DOCK1: variants seen among roughly 807,000 people sequenced by gnomAD.
The protein encoded by DOCK1 is dedicator of cytokinesis 1, also known as dedicator of cytokinesis protein 1.
DOCK1 carries 138 observed loss-of-function variants against 262.7 expected under a neutral mutation model. The ratio of observed to expected loss-of-function variants is 0.53; its 90% CI spans 0.46 to 0.61. DOCK1 has a LOEUF of 0.61. Among genes scored for constraint, DOCK1 ranks in the 20% least tolerant of loss-of-function variants. DOCK1 has a pLI of 0.00. For synonymous variants in DOCK1, 866 were observed against 867.4 expected (o/e 1.00, Z 0.03); for missense variants, 1,908 against 2,370.7 (o/e 0.80, Z 4.05).
At chr10:127,387,325 C>T (rs765968114) in intron 38 of DOCK1, among the ~76,000 whole-genome samples, 1 of 152,224 alleles carries the variant, frequency 6.6e-6, no homozygotes. Flanking sequence ...TTGCTTGAGT[C>T]AGTTTTCCTT....
At chr10:127,151,288 C>T (rs2052462011) in intron 27 of DOCK1, among the ~76,000 whole-genome samples, 1 of 152,126 alleles carries the variant, frequency 6.6e-6, no homozygotes, top group Admixed American at 6.6e-5. Context: ...TCTTGAGTTT[C>T]ACACTAGTTT....
chr10:127,073,308 G>A (rs1210142920), intron 23 of DOCK1, among the ~76,000 whole-genome samples: 1 of 152,122 alleles, frequency 6.6e-6, no homozygotes, highest in Admixed American at 6.5e-5. Context: ...AACTGATTCC[G>A]AAGTTCATGT....
At chr10:126,998,290 A>G in intron 8 of DOCK1, 41 bp downstream of exon 8, 4 of 1,610,862 alleles carry the variant, frequency 2.5e-6, no homozygotes, top group Non-Finnish European at 3.4e-6. Context: ...CTCTTTGGTT[A>G]GTGTTAGGAA....
chr10:127,151,887 A>G (rs1037292419), intron 27 of DOCK1, among the ~76,000 whole-genome samples: 4 of 152,220 alleles, frequency 2.6e-5, no homozygotes, highest in Non-Finnish European at 5.9e-5. Flanking sequence ...CATTCCTGAA[A>G]GGACAGATTT....
At chr10:127,410,974 C>A (rs1268546865) in intron 43 of DOCK1, 50 bp downstream of exon 43, 4 of 1,565,362 alleles carry the variant, frequency 2.6e-6, no homozygotes, top group Middle Eastern at 1.7e-4. Context: ...TATCATTCCG[C>A]CACCAGTAGA....
intron 27 of DOCK1, among the ~76,000 whole-genome samples, chr10:127,218,985 C>G (rs758054209): frequency 2.6e-5 from 4 of 152,130 alleles, no homozygotes; most frequent in Non-Finnish European, 5.9e-5. Context: ...AGTGAAACCT[C>G]TTTTTTAAGG....
Position 126,981,966 on chromosome 10 carries a change from G to C in DOCK1, c.220G>C (p.Gly74Arg). Residue 74 changes from glycine (G) to arginine (R), a missense_variant, in exon 4 of 52, where the codon GGA becomes CGA. Gly to Arg is a moderately radical substitution (Grantham distance 125). Around this residue, in one of 9 missense-constraint regions of DOCK1, gnomAD observed 227 missense variants for 254.1 expected, o/e 0.89. Coordinates refer to ENST00000623213, the MANE Select transcript of DOCK1 (RefSeq NM_001290223.2). ...TCATCTTAAAGAAGCGATAGTTGAA[G>C]GAAAAGGGTGAGTCTGGTCTTGATG... Reference protein sequence around the residue: ...YIHLKEAIVEGKGQHETVIPG... With the variant: ...YIHLKEAIVERKGQHETVIPG... 4 of 1,613,490 alleles carry C rather than the reference G, an allele frequency of 2.5e-6. No homozygotes were observed. Among genetic ancestry groups the C allele is most frequent in the Non-Finnish European group, 3.4e-6 (4 of 1,179,754 alleles).
At chr10:127,255,936 A>G (rs2059813190) in intron 28 of DOCK1, among the ~76,000 whole-genome samples, 1 of 152,230 alleles carries the variant, frequency 6.6e-6, no homozygotes, top group Non-Finnish European at 1.5e-5. Context: ...TTCAATAATT[A>G]AACTGGAAAA....
intron 27 of DOCK1, among the ~76,000 whole-genome samples, chr10:127,245,399 T>C (rs1291695897): frequency 6.6e-6 from 1 of 152,238 alleles, no homozygotes; most frequent in Non-Finnish European, 1.5e-5. Flanking sequence ...GCCTCTAACT[T>C]GTGGAGATGG....
intron 6 of DOCK1, among the ~76,000 whole-genome samples, chr10:126,991,380 A>T (rs1264597511): frequency 2.0e-5 from 3 of 152,194 alleles, no homozygotes; most frequent in Non-Finnish European, 4.4e-5. Flanking sequence ...GAAGCCTTAA[A>T]AAGTATCTGG....
chr10:127,124,968 T>A (rs2049853946), intron 25 of DOCK1, among the ~76,000 whole-genome samples: 1 of 151,608 alleles, frequency 6.6e-6, no homozygotes, highest in Non-Finnish European at 1.5e-5. Context: ...AAAAAAAAAA[T>A]TAGCTGGGCG....
chr10:127,163,019 C>T lies in DOCK1; in HGVS notation c.2847+35255C>T, dbSNP rs551529561. ...CGCATGCAAACCTGCATCCTTGGTC[C>T]GGGCCCGGCTTCTCTCTTCCCTCCG... is the stretch of plus-strand genomic sequence containing the variant. On this transcript the variant is annotated intron_variant, in intron 27 of 51. Transcript: ENST00000623213. Among the ~76,000 whole-genome samples, 7 of 152,300 alleles carry T rather than the reference C, an allele frequency of 4.6e-5. No individual in the cohort carries two copies. In the East Asian group the frequency reaches 1.2e-3, roughly 25 times the overall value.
At chr10:127,287,779 G>GATTGATTAGTGGCATCAGGTGCTGCCA (rs2061212438) in intron 29 of DOCK1, among the ~76,000 whole-genome samples, 3 of 152,066 alleles carry the variant, frequency 2.0e-5, no homozygotes, top group Admixed American at 2.0e-4. Context: ...ATAACGTGAA[G>GATTGATTAGTGGCATCAGGTGCTGCCA]ATTGATTAGT....
At chr10:127,025,064 T>C (rs768985552) in intron 15 of DOCK1, 1 of 261,622 alleles carries the variant, frequency 3.8e-6, no homozygotes, top group Non-Finnish European at 7.4e-6. Context: ...TACTGTTTTA[T>C]GTGTGGCATG....
At position 127,175,773 on chromosome 10, in the gene DOCK1, G is replaced by A. The variant is rs201790205; in HGVS notation, c.2847+48009G>A. ...TGGAGGCCGAGTGGAGTTTTGGAGC[G>A]CAGCTTCTCCATAGCTGAGCGGCTC... On this transcript the variant is annotated intron_variant, in intron 27 of 51. Coordinates refer to ENST00000623213, the MANE Select transcript of DOCK1 (RefSeq NM_001290223.2). The surrounding 1 kb of genome is among the most constrained non-coding windows in gnomAD (Gnocchi z 6.3). The A allele has an allele frequency of 2.2e-5, 35 of 1,614,006 alleles. No individual in the cohort carries two copies. The highest frequency in any genetic ancestry group is 8.3e-5 in the Admixed American group (5 of 60,004).
At chr10:127,402,940 T>A in intron 38 of DOCK1, 115 bp from the exon 39 acceptor site, 1 of 976,156 alleles carries the variant, frequency 1.0e-6, no homozygotes. Context: ...ATTCCCATAA[T>A]GTTTCATTCA....
chr10:127,318,730 G>A (rs1242544522), intron 29 of DOCK1, among the ~76,000 whole-genome samples: 1 of 152,226 alleles, frequency 6.6e-6, no homozygotes, highest in Non-Finnish European at 1.5e-5. Flanking sequence ...TGCTGAATAA[G>A]CCTGACCAAG....
At chr10:127,314,118 A>C (rs2062171336) in intron 29 of DOCK1, among the ~76,000 whole-genome samples, 1 of 152,180 alleles carries the variant, frequency 6.6e-6, no homozygotes. Context: ...TGAGTTGATG[A>C]GCCTGCTCAT....
intron 27 of DOCK1, among the ~76,000 whole-genome samples, chr10:127,211,708 G>A (rs759123541): frequency 6.6e-5 from 10 of 152,108 alleles, no homozygotes; most frequent in Non-Finnish European, 1.3e-4. Context: ...TGAAAATAAC[G>A]CATGTACCTG....
Sources: gnomAD v4.1 joint callset for allele counts (sites outside exome capture counted in the v4.1 genomes callset) on GRCh38, gnomAD v4.1.1 for gene constraint, gnomAD v4.1.1 regional missense constraint, Gnocchi (gnomAD v3.1) non-coding constraint, MANE v1.5 for transcripts, NCBI Gene and HGNC (gene_info 2026-07-23, HGNC 2026-07-21) for gene names.